Variants in SLC9A9 observed in about 807,000 individuals in gnomAD.
The protein encoded by SLC9A9 is solute carrier family 9 member A9.
In SLC9A9, 62 loss-of-function variants were observed where a neutral mutation model predicts 77.8. That is an observed-to-expected ratio of 0.80 (90% CI 0.65 to 0.98). The LOEUF (loss-of-function observed/expected upper bound fraction) is 0.98. Ranked by LOEUF, SLC9A9 falls within the 50% of genes least tolerant of loss-of-function variation. The pLI is 0.00. For synonymous variants in SLC9A9, 320 were observed against 283.5 expected (o/e 1.13, Z -1.29); for missense variants, 775 against 774.9 (o/e 1.00, Z 0.00).
intron 4 of SLC9A9, among the ~76,000 whole-genome samples, chr3:143,769,655 AC>A (rs1215930786): frequency 6.6e-6 from 1 of 152,222 alleles, no homozygotes. Flanking sequence ...AAAAGTCCAT[AC>A]AAAAATACAA....
At chr3:143,754,557 G>A (rs2006860513) in intron 4 of SLC9A9, among the ~76,000 whole-genome samples, 1 of 152,154 alleles carries the variant, frequency 6.6e-6, no homozygotes, top group Non-Finnish European at 1.5e-5. Flanking sequence ...ATTGATGTGA[G>A]AGCCTAGGTG....
intron 13 of SLC9A9, among the ~76,000 whole-genome samples, chr3:143,363,919 C>T (rs2032825446): frequency 6.6e-6 from 1 of 152,028 alleles, no homozygotes; most frequent in African/African-American, 2.4e-5. Flanking sequence ...TTATGGATTA[C>T]CAAAAGGTCA....
At chr3:143,762,630 T>G (rs1181328063) in intron 4 of SLC9A9, among the ~76,000 whole-genome samples, 2 of 152,156 alleles carry the variant, frequency 1.3e-5, no homozygotes, top group Non-Finnish European at 2.9e-5. Context: ...CTAGAATTAT[T>G]TTCTCAAGTT....
chr3:143,578,696 C>G lies in SLC9A9; in HGVS notation c.783G>C (p.Glu261Asp), dbSNP rs1428052295. Residue 261 changes from glutamate to aspartate, a missense_variant, in exon 7 of 16, where the codon GAG (glutamate) becomes GAC (aspartate). Transcript: ENST00000316549. ...CTGCGGCATCAAATGCATTTGGATTCTCCTTGGGACTGTAAATGGATATAG... is the reference window on the plus strand; with the variant it reads ...CTGCGGCATCAAATGCATTTGGATTGTCCTTGGGACTGTAAATGGATATAG... Reference protein sequence around the residue: ...TYSISIYSPKENPNAFDAAAF... With the variant: ...TYSISIYSPKDNPNAFDAAAF... 1.2e-6 allele frequency: 2 copies of G among 1,613,956 alleles called. No individual in the cohort carries two copies. The highest frequency in any genetic ancestry group is 1.3e-5 in the African/African-American group (1 of 74,926).
intron 2 of SLC9A9, among the ~76,000 whole-genome samples, chr3:143,823,108 CA>C (rs1301017396): frequency 6.6e-6 from 1 of 152,182 alleles, no homozygotes; most frequent in Non-Finnish European, 1.5e-5. Flanking sequence ...CTGGTTACAT[CA>C]TCCATTCATT....
At chr3:143,293,065 T>A (rs960910831) in intron 14 of SLC9A9, among the ~76,000 whole-genome samples, 2 of 152,192 alleles carry the variant, frequency 1.3e-5, no homozygotes, top group Admixed American at 6.5e-5. Flanking sequence ...CATCTATCTT[T>A]ATTTTGGAGT....
At chr3:143,436,507 A>C (rs2034625521) in intron 12 of SLC9A9, among the ~76,000 whole-genome samples, 1 of 152,186 alleles carries the variant, frequency 6.6e-6, no homozygotes, top group South Asian at 2.1e-4. Context: ...GTTCTGTTCT[A>C]ATGAGTCCCT....
intron 9 of SLC9A9, among the ~76,000 whole-genome samples, chr3:143,512,546 T>C (rs750673936): frequency 2.0e-5 from 3 of 152,256 alleles, no homozygotes; most frequent in Non-Finnish European, 4.4e-5. Flanking sequence ...TACATGATAC[T>C]GTAGTCTATT....
At chr3:143,504,304 G>T (rs9844522) in intron 9 of SLC9A9, 46,298 of 193,136 alleles carry the variant, frequency 0.24, 7,119 homozygotes, top group Non-Finnish European at 0.33. Flanking sequence ...GGGGTTGCAC[G>T]AGAAGATGTG....
intron 9 of SLC9A9, among the ~76,000 whole-genome samples, chr3:143,509,110 G>A (rs9842574): frequency 0.26 from 38,911 of 152,094 alleles, 6,062 homozygotes; most frequent in Non-Finnish European, 0.36. Context: ...GCAATAGAAA[G>A]CTTGAAACTT....
chr3:143,439,423 A>T (rs1261632909), intron 12 of SLC9A9, among the ~76,000 whole-genome samples: 1 of 152,174 alleles, frequency 6.6e-6, no homozygotes, highest in African/African-American at 2.4e-5. Flanking sequence ...GGGCACAGGG[A>T]GCAAGGGCTC....
intron 2 of SLC9A9, among the ~76,000 whole-genome samples, chr3:143,809,236 G>T (rs1321222099): frequency 6.6e-6 from 1 of 152,134 alleles, no homozygotes; most frequent in East Asian, 1.9e-4. Context: ...TGCAAAAATC[G>T]GGTTAATCAC....
intron 6 of SLC9A9, among the ~76,000 whole-genome samples, chr3:143,624,029 T>C (rs902266545): frequency 6.6e-6 from 1 of 152,164 alleles, no homozygotes; most frequent in Admixed American, 6.5e-5. Context: ...AATGGATAAA[T>C]TCCTGGACAC....
At chr3:143,643,199 G>C (rs2038651079) in intron 6 of SLC9A9, among the ~76,000 whole-genome samples, 1 of 152,092 alleles carries the variant, frequency 6.6e-6, no homozygotes, top group African/African-American at 2.4e-5. Flanking sequence ...CAGTGTATTT[G>C]GAAATAGGAA....
At chr3:143,545,377 G>A (rs1171266691) in intron 9 of SLC9A9, among the ~76,000 whole-genome samples, 1 of 152,146 alleles carries the variant, frequency 6.6e-6, no homozygotes, top group Non-Finnish European at 1.5e-5. Context: ...GTTTGTGCAT[G>A]TGAGTGCATG....
chr3:143,759,018 T>C (rs2007024629), intron 4 of SLC9A9, among the ~76,000 whole-genome samples: 1 of 152,158 alleles, frequency 6.6e-6, no homozygotes, highest in South Asian at 2.1e-4. Context: ...CATGGATTTG[T>C]TGTTTTCATC....
chr3:143,842,242 G>A (rs1439877864), intron 1 of SLC9A9, among the ~76,000 whole-genome samples: 6 of 152,112 alleles, frequency 3.9e-5, no homozygotes, highest in Admixed American at 6.5e-5. Context: ...TTAGCCAGGC[G>A]TGGTGGTGGG....
chr3:143,812,005 T>A (rs2008881080), intron 2 of SLC9A9, among the ~76,000 whole-genome samples: 1 of 151,906 alleles, frequency 6.6e-6, no homozygotes, highest in South Asian at 2.1e-4. Flanking sequence ...CAACGTTGGG[T>A]TCCTAAGGAA....
At chr3:143,626,412 T>C (rs2038327212) in intron 6 of SLC9A9, among the ~76,000 whole-genome samples, 1 of 152,188 alleles carries the variant, frequency 6.6e-6, no homozygotes, top group African/African-American at 2.4e-5. Flanking sequence ...GTGGCACATA[T>C]ACACCATGGA....
Sources: allele counts gnomAD v4.1 joint callset (sites outside exome capture counted in the v4.1 genomes callset), GRCh38; gene constraint gnomAD v4.1.1; transcripts MANE v1.5; gene names NCBI Gene and HGNC (gene_info 2026-07-23, HGNC 2026-07-21).